KLF8: variants seen among roughly 807,000 people sequenced by gnomAD.
KLF8 encodes the protein KLF transcription factor 8.
KLF8 carries 10 observed loss-of-function variants against 18.2 expected under a neutral mutation model. The observed-to-expected ratio is 0.55, with a 90% CI of 0.34 to 0.93. KLF8 has a LOEUF of 0.93. KLF8 is among the 40% of genes least tolerant of loss of function. KLF8 has a pLI of 0.02. For missense variants in KLF8, 264 were observed against 277.9 expected, an observed-to-expected ratio of 0.95 and a Z score of 0.36; for synonymous variants, 109 against 97.3, an observed-to-expected ratio of 1.12 and a Z score of -0.71.
chrX:55,946,893 C>T, the KLF8 span, among the ~76,000 whole-genome samples: 4 of 111,630 alleles, frequency 3.6e-5, no homozygotes, highest in East Asian at 2.8e-4. Flanking sequence ...AAAATGCTGA[C>T]CATCACTGGC....
the KLF8 span, among the ~76,000 whole-genome samples, chrX:55,964,335 GGAGGCCAAGACAGGTGGATCACTT>G: frequency 1.8e-5 from 2 of 112,202 alleles, no homozygotes; most frequent in African/African-American, 6.5e-5. Flanking sequence ...CAGCACTTTG[GGAGGCCAAGACAGGTGGATCACTT>G]GAGCCCAGGG....
the KLF8 span, among the ~76,000 whole-genome samples, chrX:56,080,638 G>C: frequency 1.4e-4 from 16 of 110,556 alleles, no homozygotes; most frequent in South Asian, 3.9e-4. Flanking sequence ...TGGAGTTGCT[G>C]TTCTCGAGGA....
the KLF8 span, among the ~76,000 whole-genome samples, chrX:55,940,378 C>G: frequency 9.0e-6 from 1 of 111,518 alleles, no homozygotes; most frequent in Non-Finnish European, 1.9e-5. Context: ...GGACGTATCT[C>G]AAAATAATAA....
chrX:56,034,756 T>TTC, the KLF8 span, among the ~76,000 whole-genome samples: 26 of 64,228 alleles, frequency 4.0e-4, no homozygotes, highest in African/African-American at 2.3e-3. Flanking sequence ...TTCTTTTTTT[T>TTC]TTTTTTTTTT....
the KLF8 span, among the ~76,000 whole-genome samples, chrX:56,169,445 G>T: frequency 1.8e-5 from 2 of 111,059 alleles, no homozygotes; most frequent in South Asian, 7.6e-4. Context: ...TGGCATTTCT[G>T]GACCTGCCTT....
chrX:56,007,268 C>T, the KLF8 span, among the ~76,000 whole-genome samples: 1 of 110,885 alleles, frequency 9.0e-6, no homozygotes, highest in African/African-American at 3.3e-5. Flanking sequence ...GATGCAGGGT[C>T]TGTTGGGTCC....
the KLF8 span, among the ~76,000 whole-genome samples, chrX:55,997,213 C>A: frequency 1.8e-5 from 2 of 111,912 alleles, no homozygotes; most frequent in South Asian, 3.8e-4. Flanking sequence ...GTGAGATAGC[C>A]CTGTTATGTC....
the KLF8 span, among the ~76,000 whole-genome samples, chrX:55,946,709 A>T: frequency 9.0e-6 from 1 of 111,436 alleles, no homozygotes; most frequent in African/African-American, 3.3e-5. Context: ...AACCTACAAA[A>T]TGGGAGAAAA....
At chrX:56,138,784 T>TC in the KLF8 span, among the ~76,000 whole-genome samples, 17 of 111,063 alleles carry the variant, frequency 1.5e-4, no homozygotes, top group African/African-American at 5.6e-4. Context: ...TCTCACCATT[T>TC]CCATTCAAAA....
At chrX:56,276,265 T>A (rs1228098976) in intron 5 of KLF8, among the ~76,000 whole-genome samples, 1 of 110,484 alleles carries the variant, frequency 9.1e-6, no homozygotes, top group Non-Finnish European at 1.9e-5. Context: ...TTTGTCTCAT[T>A]ACTTGTTGGT....
the KLF8 span, among the ~76,000 whole-genome samples, chrX:56,017,329 G>A: frequency 8.9e-6 from 1 of 112,438 alleles, no homozygotes; most frequent in Non-Finnish European, 1.9e-5. Context: ...ATGGCAGCCA[G>A]CCTAGAACAT....
At chrX:56,213,269 TTTTTCTTTTGTTTTCTTTTCTTTTC>T in the KLF8 span, among the ~76,000 whole-genome samples, 3 of 98,625 alleles carry the variant, frequency 3.0e-5, no homozygotes, top group Admixed American at 1.1e-4. Flanking sequence ...GACCTATTTC[TTTTTCTTTTGTTTTCTTTTCTTTTC>T]TTTTCTTTTC....
At chrX:55,999,583 AT>A in the KLF8 span, among the ~76,000 whole-genome samples, 2 of 108,867 alleles carry the variant, frequency 1.8e-5, no homozygotes, top group Non-Finnish European at 1.9e-5. Context: ...TAGATATTTT[AT>A]TTTTTTCAGC....
At chrX:56,215,756 G>A in the KLF8 span, among the ~76,000 whole-genome samples, 1 of 92,272 alleles carries the variant, frequency 1.1e-5, no homozygotes, top group Non-Finnish European at 2.1e-5. Flanking sequence ...CCAGGAGGTG[G>A]AGGTTCCAGT....
At chrX:56,183,483 G>A in the KLF8 span, among the ~76,000 whole-genome samples, 5 of 108,778 alleles carry the variant, frequency 4.6e-5, no homozygotes, top group East Asian at 1.5e-3. Flanking sequence ...TGTCCAAAAA[G>A]CCCCAGTGAG....
At chrX:55,956,212 C>T in the KLF8 span, among the ~76,000 whole-genome samples, 4 of 108,686 alleles carry the variant, frequency 3.7e-5, no homozygotes, top group Non-Finnish European at 5.7e-5. Context: ...ATCTATCTAT[C>T]ATCTATCTAT....
the KLF8 span, among the ~76,000 whole-genome samples, chrX:56,113,926 C>T: frequency 1.8e-5 from 2 of 111,433 alleles, no homozygotes; most frequent in Non-Finnish European, 3.8e-5. Context: ...GAATCCCACT[C>T]TTCTGGATTG....
At chrX:55,965,082 C>T in the KLF8 span, among the ~76,000 whole-genome samples, 2 of 111,438 alleles carry the variant, frequency 1.8e-5, no homozygotes, top group East Asian at 5.6e-4. Flanking sequence ...ATACCAAAAC[C>T]TGGCACAGCA....
At chrX:56,247,546 A>G (rs1180498412) in intron 1 of KLF8, among the ~76,000 whole-genome samples, 1 of 111,917 alleles carries the variant, frequency 8.9e-6, no homozygotes, top group Admixed American at 9.5e-5. Context: ...CTGTACAAAA[A>G]TATTTTATTT....
Sources: gnomAD v4.1 joint callset for allele counts (sites outside exome capture counted in the v4.1 genomes callset) on GRCh38, gnomAD v4.1.1 for gene constraint, MANE v1.5 for transcripts, NCBI Gene and HGNC (gene_info 2026-07-23, HGNC 2026-07-21) for gene names.